Variants in TBCK observed in about 807,000 individuals in gnomAD.
TBCK encodes TBC domain-containing protein kinase-like protein.
Under a neutral mutation model 113.4 loss-of-function variants are expected in TBCK, and 99 were observed. The ratio of observed to expected loss-of-function variants is 0.87; its 90% confidence interval spans 0.74 to 1.03. TBCK has a LOEUF of 1.03. TBCK is among the 50% of genes least tolerant of loss of function. The pLI, the probability that TBCK is intolerant of heterozygous loss-of-function variation, is 0.00. For missense variants in TBCK, 1,045 were observed against 1,061.3 expected (o/e 0.98, Z 0.21); for synonymous variants, 369 against 370.8 (o/e 1.00, Z 0.05).
rs1289824342 is a variant in TBCK, at chr4:106,066,620, G to A, written c.2572-19940C>T. ...CAATACTGTACAACCATCACCACTA[G>A]TTATTTCCAATTTTTTTCATCATCT... On this transcript the variant is annotated intron_variant, in intron 25 of 25. Coordinates refer to ENST00000394708, the MANE Select transcript of TBCK (RefSeq NM_001163435.3). 2.0e-5 allele frequency among the ~76,000 whole-genome samples: 3 copies of A among 152,046 alleles called. No individual in the cohort carries two copies. The East Asian group carries it at 5.8e-4, about 29-fold the overall frequency.
intron 23 of TBCK, among the ~76,000 whole-genome samples, chr4:106,136,631 A>G (rs1223994644): frequency 7.1e-6 from 1 of 140,368 alleles, no homozygotes; most frequent in East Asian, 2.0e-4. Context: ...CCCCTCCCCC[A>G]CCAACTTAAC....
chr4:106,187,016 T>C (rs1753100329), intron 22 of TBCK, among the ~76,000 whole-genome samples: 1 of 152,166 alleles, frequency 6.6e-6, no homozygotes, highest in African/African-American at 2.4e-5. Flanking sequence ...ACTGCTTATT[T>C]TTGTCAACTT....
intron 23 of TBCK, among the ~76,000 whole-genome samples, chr4:106,126,068 CT>C (rs1745175275): frequency 6.6e-6 from 1 of 152,218 alleles, no homozygotes; most frequent in Non-Finnish European, 1.5e-5. Flanking sequence ...CACTACTTGC[CT>C]TTTCACGCCA....
At chr4:106,097,813 G>A (rs1434542129) in intron 24 of TBCK, among the ~76,000 whole-genome samples, 1 of 151,606 alleles carries the variant, frequency 6.6e-6, no homozygotes, top group Non-Finnish European at 1.5e-5. Flanking sequence ...TAAAATATGA[G>A]GTATTTGGAA....
intron 23 of TBCK, among the ~76,000 whole-genome samples, chr4:106,122,952 T>C (rs1744637299): frequency 6.6e-6 from 1 of 152,250 alleles, no homozygotes; most frequent in Non-Finnish European, 1.5e-5. Flanking sequence ...AGCATTTCCT[T>C]TGAAAACTGG....
At chr4:106,153,851 T>C (rs1440744526) in intron 23 of TBCK, among the ~76,000 whole-genome samples, 2 of 152,084 alleles carry the variant, frequency 1.3e-5, no homozygotes, top group African/African-American at 4.8e-5. Flanking sequence ...TTGAATTCTA[T>C]TTTGTCTGAT....
chr4:106,118,974 TAGG>T (rs762951383), intron 23 of TBCK, among the ~76,000 whole-genome samples: 10 of 152,234 alleles, frequency 6.6e-5, no homozygotes, highest in African/African-American at 2.4e-4. Context: ...AAATGAATTT[TAGG>T]AGATTAGTAA....
intron 23 of TBCK, among the ~76,000 whole-genome samples, chr4:106,170,240 GA>G (rs981055526): frequency 2.6e-5 from 4 of 152,012 alleles, no homozygotes; most frequent in Non-Finnish European, 4.4e-5. Context: ...ACTACTTTTG[GA>G]AAACTATAAT....
chr4:106,144,817 A>G lies in TBCK; in HGVS notation c.2235+26278T>C, dbSNP rs561308929. ...GACAGGTGGATCACCTGAGGTTGGG[A>G]GTTCGAGACCAGCCTGACCATCATG... On this transcript the variant is annotated intron_variant, in intron 23 of 25. Coordinates refer to ENST00000394708, the MANE Select transcript of TBCK (RefSeq NM_001163435.3). 2.6e-5 allele frequency among the ~76,000 whole-genome samples: 4 copies of G among 151,752 alleles called. No homozygotes were observed. The East Asian group carries it at 7.8e-4, about 29-fold the overall frequency.
At chr4:106,145,559 T>G (rs1560715866) in intron 23 of TBCK, among the ~76,000 whole-genome samples, 1 of 152,178 alleles carries the variant, frequency 6.6e-6, no homozygotes. Context: ...GGGACTTAAT[T>G]TTTTTGATTT....
intron 4 of TBCK, among the ~76,000 whole-genome samples, chr4:106,260,996 G>A (rs1199839051): frequency 1.3e-5 from 2 of 151,938 alleles, no homozygotes; most frequent in Non-Finnish European, 2.9e-5. Flanking sequence ...TGGTGAATCT[G>A]CTAGATTTTC....
intron 3 of TBCK, among the ~76,000 whole-genome samples, chr4:106,280,038 T>C (rs1764430675): frequency 6.6e-6 from 1 of 152,190 alleles, no homozygotes; most frequent in African/African-American, 2.4e-5. Context: ...TATACGAATT[T>C]ACATTCCACC....
intron 24 of TBCK, among the ~76,000 whole-genome samples, chr4:106,104,931 T>C (rs1467147448): frequency 1.3e-5 from 2 of 152,170 alleles, no homozygotes; most frequent in Non-Finnish European, 2.9e-5. Flanking sequence ...GACTATTACA[T>C]GGGTTCCTGT....
At position 106,295,087 on chromosome 4, in the gene TBCK, A is replaced by G; in HGVS notation, c.266+7T>C. On this transcript the variant is annotated splice_region_variant and intron_variant, in intron 3 of 25. Coordinates refer to ENST00000394708, the MANE Select transcript of TBCK (RefSeq NM_001163435.3). ...TTTCATTTAATTGTTCTGATACTAT[A>G]CAGTACCTCACAGGTTTCCTTTCTC... 6.2e-7 allele frequency: 1 copy of G among 1,609,532 alleles called. No homozygotes were observed.
At chr4:106,199,329 C>T (rs779617797) in intron 20 of TBCK, among the ~76,000 whole-genome samples, 11 of 152,144 alleles carry the variant, frequency 7.2e-5, no homozygotes, top group Non-Finnish European at 1.6e-4. Flanking sequence ...AAACACCATA[C>T]TCACCTAGTT....
chr4:106,102,395 T>TA (rs1269859307), intron 24 of TBCK, among the ~76,000 whole-genome samples: 19 of 152,168 alleles, frequency 1.2e-4, no homozygotes, highest in Non-Finnish European at 1.3e-4. Flanking sequence ...TAACTGAGAC[T>TA]ATTCATAACA....
chr4:106,226,803 A>G (rs1441921488), intron 19 of TBCK, among the ~76,000 whole-genome samples: 1 of 152,126 alleles, frequency 6.6e-6, no homozygotes, highest in East Asian at 1.9e-4. Context: ...TGAAATCTGA[A>G]AGAGTACACT....
chr4:106,081,651 G>A (rs978200155), intron 25 of TBCK, among the ~76,000 whole-genome samples: 1 of 150,792 alleles, frequency 6.6e-6, no homozygotes. Context: ...TGCACATCCT[G>A]TATGTAACCT....
intron 19 of TBCK, among the ~76,000 whole-genome samples, chr4:106,214,434 T>A (rs1330821727): frequency 6.6e-6 from 1 of 151,822 alleles, no homozygotes; most frequent in Non-Finnish European, 1.5e-5. Context: ...GGGAGGACAT[T>A]CAAACCAAAG....
Sources: gnomAD v4.1 joint callset for allele counts (sites outside exome capture counted in the v4.1 genomes callset) on GRCh38, gnomAD v4.1.1 for gene constraint, MANE v1.5 for transcripts, NCBI Gene and HGNC (gene_info 2026-07-23, HGNC 2026-07-21) for gene names.